Variants in HEATR1 observed in about 807,000 individuals in gnomAD.
The protein encoded by HEATR1 is HEAT repeat-containing protein 1.
A neutral mutation model predicts 248.2 loss-of-function variants in HEATR1; 77 were observed. The ratio of observed to expected loss-of-function variants is 0.31; its 90% CI spans 0.26 to 0.37. The LOEUF is 0.37. HEATR1 is among the 10% of genes least tolerant of loss of function. The probability of loss-of-function intolerance (pLI) is 1.00; values close to 1 mark genes in which losing one functional copy is unlikely to be tolerated. For missense variants in HEATR1, 2,420 were observed against 2,504.9 expected (o/e 0.97, Z 0.72); for synonymous variants, 897 against 923.1 (o/e 0.97, Z 0.51).
chr1:236,597,260 T>TAA (rs1572054307), intron 5 of HEATR1, among the ~76,000 whole-genome samples: 10 of 136,376 alleles, frequency 7.3e-5, no homozygotes, highest in East Asian at 2.1e-4. Context: ...AAAAAAATTT[T>TAA]TTTTTTTTTT....
intron 28 of HEATR1, among the ~76,000 whole-genome samples, chr1:236,570,011 G>A (rs963065150): frequency 6.6e-6 from 1 of 152,154 alleles, no homozygotes; most frequent in African/African-American, 2.4e-5. Context: ...CTAAGCAGCC[G>A]GGCACGGTGG....
At chr1:236,563,008 T>C (rs886578171) in intron 32 of HEATR1, among the ~76,000 whole-genome samples, 8 of 152,330 alleles carry the variant, frequency 5.3e-5, no homozygotes, top group Middle Eastern at 3.4e-3. Context: ...GATCTCTAGA[T>C]AGTGTCTACA....
intron 11 of HEATR1, 134 bp from the exon 12 acceptor site, chr1:236,591,088 CAA>C: frequency 4.9e-6 from 2 of 408,136 alleles, no homozygotes; most frequent in East Asian, 3.7e-5. Flanking sequence ...AGAAAACAAA[CAA>C]AAAAATGCAA....
chr1:236,562,505 C>T (rs773355228), intron 32 of HEATR1, among the ~76,000 whole-genome samples: 4 of 152,224 alleles, frequency 2.6e-5, no homozygotes, highest in African/African-American at 4.8e-5. Flanking sequence ...TCTCCCCCAA[C>T]TGCTTTGTAA....
intron 19 of HEATR1, among the ~76,000 whole-genome samples, chr1:236,581,802 G>C (rs983550003): frequency 6.6e-6 from 1 of 152,136 alleles, no homozygotes; most frequent in Admixed American, 6.6e-5. Flanking sequence ...ACTGGTGCTG[G>C]GGATGAAATT....
intron 4 of HEATR1, among the ~76,000 whole-genome samples, chr1:236,598,331 A>G (rs1031821514): frequency 1.3e-5 from 2 of 152,224 alleles, no homozygotes; most frequent in East Asian, 3.8e-4. Context: ...TTGCTTTACA[A>G]TAACACTAAG....
chr1:236,588,578 T>G (rs1318456476), intron 12 of HEATR1, among the ~76,000 whole-genome samples: 2 of 152,238 alleles, frequency 1.3e-5, no homozygotes, highest in Non-Finnish European at 2.9e-5. Flanking sequence ...AGCTAGCTAG[T>G]ATTATCTAAA....
At position 236,566,838 on chromosome 1, in the gene HEATR1, A is replaced by T; in HGVS notation, c.4116T>A (p.Val1372=). 6.2e-7 allele frequency: 1 copy of T among 1,614,094 alleles called. No homozygotes were observed. Among genetic ancestry groups the T allele is most frequent in the Non-Finnish European group, 8.5e-7 (1 of 1,180,002 alleles). ...TAATGATTTTTACCACAATCTCTTC[A>T]ACGTTTCTTGAAACTTCTATAGAAT... ...SGDSIEVSRN[V]EEIVVKIISV... Residue 1372 remains valine (V), a synonymous_variant, in exon 30 of 45, where the codon GTT becomes GTA. Transcript: ENST00000366582.
rs10158194 is a variant in HEATR1, at chr1:236,551,146, C to T, written c.6347-156G>A. ...TAACAAAGCAGGAGGCGCCACGGAC[C>T]GCCTCCCTCCACACCGCTCCTTCCG... On this transcript the variant is annotated intron_variant, in intron 44 of 44. Coordinates refer to ENST00000366582, the MANE Select transcript of HEATR1 (RefSeq NM_018072.6). 1,505 of 604,796 alleles carry T rather than the reference C, an allele frequency of 2.5e-3. 18 individuals are homozygous for T. In the African/African-American group the frequency reaches 0.025, roughly 10 times the overall value. The allele number at this position is 604,796 out of a possible 1,614,324, so 37.5% of individuals were successfully genotyped here. A position where few individuals can be genotyped will look rare whatever the true frequency, so the allele number is the denominator to read the frequency against.
intron 1 of HEATR1, 85 bp downstream of exon 1, chr1:236,604,336 AT>A: frequency 2.5e-6 from 1 of 394,896 alleles, no homozygotes; most frequent in Non-Finnish European, 4.4e-6. Context: ...TTCAACCCTG[AT>A]TCCGCAGATA....
At chr1:236,589,273 A>G (rs1409715399) in intron 12 of HEATR1, among the ~76,000 whole-genome samples, 1 of 152,200 alleles carries the variant, frequency 6.6e-6, no homozygotes, top group Non-Finnish European at 1.5e-5. Context: ...AACAAAGACT[A>G]TTATTCAATG....
intron 29 of HEATR1, 117 bp downstream of exon 29, chr1:236,568,879 G>A (rs1453289972): frequency 3.9e-6 from 2 of 513,596 alleles, no homozygotes; most frequent in Non-Finnish European, 5.7e-6. Context: ...CAACTGTTGA[G>A]GATATTAAAA....
chr1:236,588,080 C>A, intron 12 of HEATR1, 37 bp from the exon 13 acceptor site: 1 of 1,497,358 alleles, frequency 6.7e-7, no homozygotes, highest in Non-Finnish European at 9.2e-7. Context: ...TTAGCTGTTG[C>A]CAAAAATCTC....
In HEATR1 at chr1:236,566,632, C is replaced by T. The variant is rs747171621; in HGVS notation, c.4308+14G>A. The T allele has an allele frequency of 1.9e-6, 3 of 1,579,422 alleles. No homozygotes were observed. The highest frequency in any genetic ancestry group is 1.3e-5 in the African/African-American group (1 of 74,240). ...AATCACCATTTTCCTTATCTTCCCA[C>T]CCTAGGTTCTGACCTTTTCGCCATA... is the stretch of plus-strand genomic sequence containing the variant. On this transcript the variant is annotated intron_variant, in intron 30 of 44. Coordinates refer to ENST00000366582, the MANE Select transcript of HEATR1 (RefSeq NM_018072.6).
Position 236,576,763 on chromosome 1 carries a change from T to C in HEATR1, c.2925+17A>G, listed in dbSNP as rs201257814. On this transcript the variant is annotated intron_variant, in intron 21 of 44. Coordinates refer to ENST00000366582, the MANE Select transcript of HEATR1 (RefSeq NM_018072.6). ...AGAGGCATGAACACACTCAATCTTC[T>C]TTGCTAACGAGCTTACCTGAATAAC... 5 of 1,599,190 alleles carry C rather than the reference T, an allele frequency of 3.1e-6. No individual in the cohort carries two copies. Among genetic ancestry groups the C allele is most frequent in the Middle Eastern group, 1.7e-4 (1 of 5,990 alleles).
intron 28 of HEATR1, among the ~76,000 whole-genome samples, chr1:236,571,133 G>C (rs533517854): frequency 6.6e-6 from 1 of 152,258 alleles, no homozygotes; most frequent in African/African-American, 2.4e-5. Flanking sequence ...CAGTGAAGAA[G>C]GTTATTATTC....
intron 21 of HEATR1, 23 bp from the exon 22 acceptor site, chr1:236,576,400 G>T: frequency 6.6e-7 from 1 of 1,521,024 alleles, no homozygotes; most frequent in Non-Finnish European, 8.8e-7. Context: ...AAAGAAAATT[G>T]GATAAAAAAG....
intron 41 of HEATR1, 60 bp from the exon 42 acceptor site, chr1:236,554,812 T>C (rs1662907986): frequency 7.2e-7 from 1 of 1,382,208 alleles, no homozygotes; most frequent in East Asian, 2.3e-5. Flanking sequence ...TAATCTCCAA[T>C]GTTTACATTG....
intron 29 of HEATR1, 26 bp downstream of exon 29, chr1:236,568,970 C>T (rs756356442): frequency 7.0e-7 from 1 of 1,431,734 alleles, no homozygotes; most frequent in Non-Finnish European, 9.2e-7. Flanking sequence ...AAAAAGAAAC[C>T]CCACGATGGT....
Sources: gnomAD v4.1 joint callset for allele counts (sites outside exome capture counted in the v4.1 genomes callset) on GRCh38, gnomAD v4.1.1 for gene constraint, MANE v1.5 for transcripts, NCBI Gene and HGNC (gene_info 2026-07-23, HGNC 2026-07-21) for gene names.